PROS1: variants seen among roughly 807,000 people sequenced by gnomAD.
PROS1 encodes the protein vitamin K-dependent protein S.
In PROS1, 29 loss-of-function variants were observed where a neutral mutation model predicts 75.9. The ratio of observed to expected loss-of-function variants is 0.38; its 90% CI spans 0.28 to 0.52. PROS1 has a LOEUF of 0.52. Ranked by LOEUF, PROS1 falls within the 20% of genes least tolerant of loss-of-function variation. The probability of loss-of-function intolerance (pLI) is 0.83; values close to 1 mark genes in which losing one functional copy is unlikely to be tolerated. For missense variants in PROS1, 680 were observed against 810.3 expected, an observed-to-expected ratio of 0.84 and a Z score of 1.95; for synonymous variants, 245 against 280.6, an observed-to-expected ratio of 0.87 and a Z score of 1.27.
intron 2 of PROS1, among the ~76,000 whole-genome samples, chr3:93,926,767 CCTCT>C (rs1709025029): frequency 1.3e-5 from 2 of 152,248 alleles, no homozygotes; most frequent in South Asian, 2.1e-4. Context: ...CTTTCCCCTC[CCTCT>C]AACACTATCA....
chr3:93,928,867 T>G, intron 1 of PROS1: 1 of 601,508 alleles, frequency 1.7e-6, no homozygotes, highest in Admixed American at 3.7e-5. Flanking sequence ...ATAAACATTA[T>G]AAAGTGTTCA....
At chr3:93,959,605 A>T (rs1470171461) in intron 1 of PROS1, among the ~76,000 whole-genome samples, 2 of 152,248 alleles carry the variant, frequency 1.3e-5, no homozygotes, top group East Asian at 3.8e-4. Flanking sequence ...TGTGGATAGA[A>T]ATTACCTGAA....
chr3:93,877,437 T>C (rs1708207617), intron 13 of PROS1, among the ~76,000 whole-genome samples: 1 of 152,214 alleles, frequency 6.6e-6, no homozygotes, highest in South Asian at 2.1e-4. Flanking sequence ...AAATGTATAC[T>C]GGTTTCTGAA....
chr3:93,954,569 A>T (rs1439535118), intron 1 of PROS1, among the ~76,000 whole-genome samples: 1 of 152,192 alleles, frequency 6.6e-6, no homozygotes, highest in Non-Finnish European at 1.5e-5. Flanking sequence ...TTATACAAAA[A>T]TTAATTCAAG....
chr3:93,885,554 T>C (rs141598188), intron 11 of PROS1, among the ~76,000 whole-genome samples: 9 of 152,274 alleles, frequency 5.9e-5, no homozygotes, highest in East Asian at 1.9e-4. Flanking sequence ...ATTTATAATA[T>C]GGGTTTGTCT....
chr3:93,876,901 A>G, intron 14 of PROS1, 65 bp downstream of exon 14: 2 of 1,067,530 alleles, frequency 1.9e-6, no homozygotes, highest in Non-Finnish European at 1.4e-6. Context: ...ATAATTATAT[A>G]TTTAAAATAT....
chr3:93,928,629 T>C, intron 1 of PROS1: 1 of 554,626 alleles, frequency 1.8e-6, no homozygotes, highest in Non-Finnish European at 3.0e-6. Flanking sequence ...GTGGAGATTG[T>C]TGTTGAACAG....
intron 1 of PROS1, among the ~76,000 whole-genome samples, chr3:93,936,226 C>T (rs1012518329): frequency 2.7e-5 from 4 of 150,928 alleles, no homozygotes; most frequent in African/African-American, 9.7e-5. Context: ...GATTAGTGAA[C>T]CAAAAAATGG....
chr3:93,934,085 C>G (rs1698938384), intron 1 of PROS1, among the ~76,000 whole-genome samples: 1 of 149,034 alleles, frequency 6.7e-6, no homozygotes, highest in Non-Finnish European at 1.5e-5. Context: ...GAGGCTGAGG[C>G]AGGAGAATCA....
At chr3:93,947,654 C>A (rs1251304905) in intron 1 of PROS1, among the ~76,000 whole-genome samples, 1 of 152,042 alleles carries the variant, frequency 6.6e-6, no homozygotes, top group Non-Finnish European at 1.5e-5. Context: ...GCAAGCTCCA[C>A]CGCCCAGGTT....
chr3:93,894,090 A>C (rs1708469610), intron 9 of PROS1, among the ~76,000 whole-genome samples: 2 of 152,188 alleles, frequency 1.3e-5, no homozygotes, highest in South Asian at 2.1e-4. Context: ...CACCTAACTT[A>C]AAATAAAGGC....
chr3:93,927,415 A>G lies in PROS1; in HGVS notation c.77-8T>C. ...CCTGTTGCTTTGACAAAACTGAAGG[A>G]AACAATCAGTTTATATGAATTAATC... On this transcript the variant is annotated splice_polypyrimidine_tract_variant and splice_region_variant and intron_variant, in intron 1 of 14. Transcript: ENST00000394236. The G allele has an allele frequency of 1.2e-6, 2 of 1,613,528 alleles. No homozygotes were observed. Among genetic ancestry groups the G allele is most frequent in the Non-Finnish European group, 1.7e-6 (2 of 1,179,592 alleles).
At chr3:93,898,948 A>C (rs1428586886) in intron 7 of PROS1, among the ~76,000 whole-genome samples, 1 of 152,074 alleles carries the variant, frequency 6.6e-6, no homozygotes, top group African/African-American at 2.4e-5. Flanking sequence ...CTTTGAAAAA[A>C]AGAAAAAAGA....
chr3:93,881,127 T>C (rs576673546), intron 12 of PROS1, among the ~76,000 whole-genome samples: 1 of 152,088 alleles, frequency 6.6e-6, no homozygotes, highest in South Asian at 2.1e-4. Context: ...ATTTGAAAAC[T>C]GACCTGGGCA....
rs1283870189 is a variant in PROS1 at position 93,881,865 on chromosome 3, C to A, written c.1493-2551G>T. Among the ~76,000 whole-genome samples the A allele has an allele frequency of 2.6e-5, 4 of 152,050 alleles. No homozygotes were observed. The East Asian group carries it at 7.7e-4, about 29-fold the overall frequency. ...TATAAGTGTGAGCCACCTTACCTCG[C>A]CCTTTTTAGGTTACAAATAAACACA... is the stretch of plus-strand genomic sequence containing the variant. On this transcript the variant is annotated intron_variant, in intron 12 of 14. Transcript: ENST00000394236.
intron 6 of PROS1, among the ~76,000 whole-genome samples, chr3:93,905,063 A>T (rs1253655217): frequency 2.6e-5 from 4 of 152,204 alleles, no homozygotes; most frequent in African/African-American, 7.2e-5. Context: ...AGTATTTCTG[A>T]AAAGGAAAAA....
At chr3:93,969,461 C>T (rs1709841870) in intron 1 of PROS1, among the ~76,000 whole-genome samples, 1 of 152,212 alleles carries the variant, frequency 6.6e-6, no homozygotes, top group Non-Finnish European at 1.5e-5. Context: ...TTTGTGGGAA[C>T]TGTTCTTCCG....
At position 93,966,634 on chromosome 3, in the gene PROS1, T is replaced by G. The variant is rs1471080473; in HGVS notation, c.76+7040A>C. On this transcript the variant is annotated intron_variant, in intron 1 of 14. Transcript: ENST00000394236. ...ATCACCACACCTGTAATCCCAGCAC[T>G]TTGGGAGGCCAAGGCGGGTGGATCA... Among the ~76,000 whole-genome samples the G allele has an allele frequency of 2.6e-5, 4 of 152,084 alleles. No homozygotes were observed. The East Asian group carries it at 7.7e-4, about 29-fold the overall frequency.
chr3:93,915,987 A>T (rs1347429720), intron 3 of PROS1, among the ~76,000 whole-genome samples: 1 of 152,202 alleles, frequency 6.6e-6, no homozygotes, highest in African/African-American at 2.4e-5. Context: ...GCTATAACAG[A>T]ATACCACAGA....
Sources: allele counts gnomAD v4.1 joint callset (sites outside exome capture counted in the v4.1 genomes callset), GRCh38; gene constraint gnomAD v4.1.1; transcripts MANE v1.5; gene names NCBI Gene and HGNC (gene_info 2026-07-23, HGNC 2026-07-21).